The following CALN1 variants were observed in gnomAD, a reference collection of about 807,000 sequenced individuals.
The protein encoded by CALN1 is calcium-binding protein 8.
In CALN1, 17 loss-of-function variants were observed where a neutral mutation model predicts 30.6. That is an observed-to-expected ratio of 0.56 (90% CI 0.38 to 0.83). CALN1 has a LOEUF of 0.83. Ranked by LOEUF, CALN1 falls within the 40% of genes least tolerant of loss-of-function variation. CALN1 has a pLI of 0.00. For missense variants in CALN1, 291 were observed against 354.9 expected, an observed-to-expected ratio of 0.82 and a Z score of 1.45; for synonymous variants, 156 against 131.4, an observed-to-expected ratio of 1.19 and a Z score of -1.28.
chr7:72,502,726 T>G, the CALN1 span, among the ~76,000 whole-genome samples: 2 of 152,360 alleles, frequency 1.3e-5, no homozygotes, highest in South Asian at 4.1e-4. Flanking sequence ...TAAATCCATA[T>G]TCAGTGCCTA....
chr7:72,305,079 G>T (rs1172930171), intron 2 of CALN1, among the ~76,000 whole-genome samples: 1 of 152,190 alleles, frequency 6.6e-6, no homozygotes, highest in Non-Finnish European at 1.5e-5. Context: ...GGCCTCCAAA[G>T]AGAGCCTGGG....
At position 72,008,742 on chromosome 7, in the gene CALN1, G is replaced by A. The variant is rs142973497; in HGVS notation, c.501+14915C>T. Among the ~76,000 whole-genome samples, 522 of 148,628 alleles carry A rather than the reference G, an allele frequency of 3.5e-3. 4 individuals carry two copies. The highest frequency in any genetic ancestry group is 0.012 in the African/African-American group (474 of 40,096). Reference sequence around the variant, plus strand: ...GTGATTTCGGCTCACTGCAACCTCCGCCTCCCGGGTTCAAGTGATTCTCCT... The same window carrying A: ...GTGATTTCGGCTCACTGCAACCTCCACCTCCCGGGTTCAAGTGATTCTCCT... On this transcript the variant is annotated intron_variant, in intron 5 of 6. Coordinates refer to ENST00000395275, the MANE Select transcript of CALN1 (RefSeq NM_031468.4).
At chr7:71,841,890 T>C (rs1233113384) in intron 5 of CALN1, among the ~76,000 whole-genome samples, 1 of 151,826 alleles carries the variant, frequency 6.6e-6, no homozygotes, top group Non-Finnish European at 1.5e-5. Flanking sequence ...AAAGACTACC[T>C]ATTGAGTATT....
intron 5 of CALN1, among the ~76,000 whole-genome samples, chr7:72,005,078 T>C (rs1486995580): frequency 6.6e-6 from 1 of 152,096 alleles, no homozygotes; most frequent in African/African-American, 2.4e-5. Context: ...GGAAAAAAAA[T>C]AGCAGTTTCT....
At chr7:71,919,757 TAC>T (rs755658404) in intron 5 of CALN1, among the ~76,000 whole-genome samples, 6 of 151,860 alleles carry the variant, frequency 4.0e-5, no homozygotes, top group Admixed American at 6.6e-5. Context: ...CCCCTACACA[TAC>T]ACACACACAC....
chr7:72,480,408 T>C, the CALN1 span, among the ~76,000 whole-genome samples: 4 of 152,234 alleles, frequency 2.6e-5, no homozygotes, highest in African/African-American at 9.6e-5. Context: ...TTTGATTTCC[T>C]GAAAATTTGT....
At chr7:72,475,978 T>G in the CALN1 span, among the ~76,000 whole-genome samples, 2 of 142,520 alleles carry the variant, frequency 1.4e-5, no homozygotes, top group African/African-American at 5.4e-5. Context: ...AGACAGAGTC[T>G]TACCCTGTCA....
intron 5 of CALN1, among the ~76,000 whole-genome samples, chr7:71,889,432 A>C (rs541508787): frequency 1.3e-5 from 2 of 152,324 alleles, no homozygotes; most frequent in South Asian, 2.1e-4. Flanking sequence ...AAATTAAAAA[A>C]TAAAACACAT....
chr7:72,086,744 A>AT (rs1478323140), intron 4 of CALN1, among the ~76,000 whole-genome samples: 1 of 152,120 alleles, frequency 6.6e-6, no homozygotes, highest in African/African-American at 2.4e-5. Flanking sequence ...TGGCCCAATT[A>AT]TTTTTATGGA....
At chr7:71,995,320 C>T (rs972023081) in intron 5 of CALN1, among the ~76,000 whole-genome samples, 1 of 152,196 alleles carries the variant, frequency 6.6e-6, no homozygotes, top group Non-Finnish European at 1.5e-5. Flanking sequence ...GTCATTCACC[C>T]GTGCAAGCTT....
At chr7:72,199,943 T>C (rs1435395261) in intron 3 of CALN1, among the ~76,000 whole-genome samples, 1 of 152,168 alleles carries the variant, frequency 6.6e-6, no homozygotes, top group Non-Finnish European at 1.5e-5. Flanking sequence ...GTCCTGGTTC[T>C]ACCTCATGAA....
At chr7:72,233,607 T>G (rs1794265688) in intron 3 of CALN1, among the ~76,000 whole-genome samples, 1 of 152,016 alleles carries the variant, frequency 6.6e-6, no homozygotes, top group Non-Finnish European at 1.5e-5. Flanking sequence ...TAGTGTCAGC[T>G]ACTTGGAGGG....
At chr7:71,989,114 A>T (rs914248975) in intron 5 of CALN1, among the ~76,000 whole-genome samples, 2 of 152,222 alleles carry the variant, frequency 1.3e-5, no homozygotes, top group African/African-American at 4.8e-5. Flanking sequence ...CAAAGAAATA[A>T]AAAAGATAGT....
intron 5 of CALN1, among the ~76,000 whole-genome samples, chr7:71,906,162 G>C (rs1056744233): frequency 6.6e-6 from 1 of 152,146 alleles, no homozygotes; most frequent in Non-Finnish European, 1.5e-5. Context: ...ATAATAAATG[G>C]ACACTCCCTA....
At chr7:71,918,532 GGTTTTTGCTTGTTT>G (rs1794790623) in intron 5 of CALN1, among the ~76,000 whole-genome samples, 1 of 152,182 alleles carries the variant, frequency 6.6e-6, no homozygotes. Flanking sequence ...GGCATGCCAA[GGTTTTTGCTTGTTT>G]GTTTTTGCCT....
intron 5 of CALN1, among the ~76,000 whole-genome samples, chr7:71,878,685 C>CA (rs1161348991): frequency 1.3e-5 from 2 of 152,138 alleles, no homozygotes; most frequent in Non-Finnish European, 2.9e-5. Flanking sequence ...CTTGAAAACA[C>CA]AAAAATGCCC....
At chr7:71,945,400 C>T (rs547287144) in intron 5 of CALN1, among the ~76,000 whole-genome samples, 2 of 152,346 alleles carry the variant, frequency 1.3e-5, no homozygotes, top group South Asian at 4.1e-4. Context: ...CAAGGCACAA[C>T]CCAATGAGAA....
intron 4 of CALN1, among the ~76,000 whole-genome samples, chr7:72,025,939 A>G (rs1801025005): frequency 6.6e-6 from 1 of 152,142 alleles, no homozygotes; most frequent in Non-Finnish European, 1.5e-5. Flanking sequence ...AAATTTCCTA[A>G]AGGATTAGGG....
chr7:71,845,681 G>A (rs570533786), intron 5 of CALN1, among the ~76,000 whole-genome samples: 4 of 152,128 alleles, frequency 2.6e-5, no homozygotes, highest in Non-Finnish European at 4.4e-5. Context: ...AGAGACTCTG[G>A]GGTGGCATCC....
Sources: gnomAD v4.1 joint callset for allele counts (sites outside exome capture counted in the v4.1 genomes callset) on GRCh38, gnomAD v4.1.1 for gene constraint, MANE v1.5 for transcripts, NCBI Gene and HGNC (gene_info 2026-07-23, HGNC 2026-07-21) for gene names.